The following CDH4 variants were observed in gnomAD, a reference collection of about 807,000 sequenced individuals.
The protein encoded by CDH4 is cadherin-4.
Under a neutral mutation model 86.0 loss-of-function variants are expected in CDH4, and 33 were observed. That is an observed-to-expected ratio of 0.38 (90% CI 0.29 to 0.51). The LOEUF is 0.51. Ranked by LOEUF, CDH4 falls within the 20% of genes least tolerant of loss-of-function variation. The probability of loss-of-function intolerance (pLI) is 0.86; values close to 1 mark genes in which losing one functional copy is unlikely to be tolerated. For synonymous variants in CDH4, 555 were observed against 549.4 expected, an observed-to-expected ratio of 1.01 and a Z score of -0.14; for missense variants, 1,114 against 1,307.4, an observed-to-expected ratio of 0.85 and a Z score of 2.28.
intron 7 of CDH4, among the ~76,000 whole-genome samples, chr20:61,885,434 G>A (rs564255328): frequency 9.2e-5 from 14 of 152,288 alleles, no homozygotes; most frequent in African/African-American, 2.2e-4. Context: ...GTCTCTCACC[G>A]AGCGTCACCG....
intron 2 of CDH4, among the ~76,000 whole-genome samples, chr20:61,672,075 TGGTGGGTG>T (rs145983859): frequency 8.2e-4 from 13 of 15,802 alleles, no homozygotes; most frequent in Admixed American, 2.1e-3. Flanking sequence ...ATGAGTGGAT[TGGTGGGTG>T]GGTGGGTGGG....
At chr20:61,898,675 T>A (rs1037265351) in intron 8 of CDH4, among the ~76,000 whole-genome samples, 1 of 152,242 alleles carries the variant, frequency 6.6e-6, no homozygotes, top group Admixed American at 6.5e-5. Flanking sequence ...GGTCCCTGCC[T>A]GCTGTGTAGC....
In CDH4 at chr20:61,754,625, A is replaced by G. The variant is rs544161571; in HGVS notation, c.396+10836A>G. The stretch of plus-strand genomic sequence containing the variant: ...ACCACACACACGGTGCACGGCACAC[A>G]CACCACACACACACGCCCCACACAC... On this transcript the variant is annotated intron_variant, in intron 3 of 15. Transcript: ENST00000614565. The surrounding 1 kb of genome is among the most constrained non-coding windows in gnomAD (Gnocchi z 4.7). Among the ~76,000 whole-genome samples the G allele has an allele frequency of 7.7e-5, 11 of 142,760 alleles. No individual in the cohort carries two copies. The highest frequency in any genetic ancestry group is 1.5e-4 in the Non-Finnish European group (10 of 67,926). 93.7% of individuals were successfully genotyped at this position (142,760 alleles called of 152,430 possible).
chr20:61,280,396 T>C (rs780050205), intron 2 of CDH4, among the ~76,000 whole-genome samples: 2 of 152,138 alleles, frequency 1.3e-5, no homozygotes, highest in Non-Finnish European at 2.9e-5. Flanking sequence ...GGCGGGGGCG[T>C]GTGACGCGTG....
chr20:61,890,436 G>A (rs6121483), intron 7 of CDH4, among the ~76,000 whole-genome samples: 8,668 of 150,964 alleles, frequency 0.057, 626 homozygotes, highest in African/African-American at 0.17. Context: ...TAGATGACGG[G>A]TGGATGGATG....
chr20:61,347,582 T>C (rs1430040724), intron 2 of CDH4, among the ~76,000 whole-genome samples: 2 of 152,194 alleles, frequency 1.3e-5, no homozygotes, highest in Non-Finnish European at 2.9e-5. Context: ...AATTAGACCT[T>C]TCCAGTTTCC....
intron 8 of CDH4, among the ~76,000 whole-genome samples, chr20:61,895,971 G>C (rs1224828411): frequency 6.6e-6 from 1 of 152,170 alleles, no homozygotes; most frequent in Non-Finnish European, 1.5e-5. Context: ...AGTCAGCGAG[G>C]GCTCCCAGAG....
chr20:61,859,366 C>G (rs181737037), intron 6 of CDH4, among the ~76,000 whole-genome samples: 1 of 152,196 alleles, frequency 6.6e-6, no homozygotes, highest in Non-Finnish European at 1.5e-5. Flanking sequence ...ATCCTCCCCC[C>G]AGGGTCTTTG....
chr20:61,572,392 G>A (rs1271616393), intron 2 of CDH4, among the ~76,000 whole-genome samples: 1 of 152,226 alleles, frequency 6.6e-6, no homozygotes, highest in Non-Finnish European at 1.5e-5. Context: ...GAGACGCAAG[G>A]GAAGGGACAG....
chr20:61,742,970 C>T (rs999919322), intron 2 of CDH4, among the ~76,000 whole-genome samples: 1 of 152,190 alleles, frequency 6.6e-6, no homozygotes, highest in African/African-American at 2.4e-5. Flanking sequence ...GCCTAGCCCA[C>T]CCCAAGGCCA....
intron 2 of CDH4, among the ~76,000 whole-genome samples, chr20:61,378,261 A>C (rs531497268): frequency 3.3e-5 from 5 of 152,280 alleles, no homozygotes; most frequent in African/African-American, 1.2e-4. Flanking sequence ...TGTTAAAAGA[A>C]AAAAAAATTT....
At chr20:61,898,389 G>A (rs1985230812) in intron 8 of CDH4, among the ~76,000 whole-genome samples, 1 of 152,220 alleles carries the variant, frequency 6.6e-6, no homozygotes, top group Non-Finnish European at 1.5e-5. Context: ...GGGACCCTCG[G>A]CCCTCAGCAC....
At position 61,643,212 on chromosome 20, in the gene CDH4, T is replaced by C. The variant is rs1354544978; in HGVS notation, c.170-100351T>C. On this transcript the variant is annotated intron_variant, in intron 2 of 15. Coordinates refer to ENST00000614565, the MANE Select transcript of CDH4 (RefSeq NM_001794.5). Reference sequence around the variant, plus strand: ...GAGAAAGCATCACAGGGAGGGGGGGTGTAGAGAGAGCCAGACTGGCTTTTA... The same window carrying C: ...GAGAAAGCATCACAGGGAGGGGGGGCGTAGAGAGAGCCAGACTGGCTTTTA... Among the ~76,000 whole-genome samples, 3 of 150,428 alleles carry C rather than the reference T, an allele frequency of 2.0e-5. No individual in the cohort carries two copies. The East Asian group carries it at 5.8e-4, about 29-fold the overall frequency.
chr20:61,533,281 G>A (rs970899540), intron 2 of CDH4, among the ~76,000 whole-genome samples: 3 of 152,284 alleles, frequency 2.0e-5, no homozygotes, highest in Admixed American at 6.5e-5. Flanking sequence ...GCCTGGGCAC[G>A]GCAGGCGGCT....
At chr20:61,803,004 C>T (rs943452368) in intron 4 of CDH4, among the ~76,000 whole-genome samples, 3 of 152,256 alleles carry the variant, frequency 2.0e-5, no homozygotes, top group Non-Finnish European at 4.4e-5. Context: ...GGCGTGTCTA[C>T]CTTGTCACTG....
rs1186294297 is a variant in CDH4, at chr20:61,304,944, GTA to G, written c.169+50009_169+50010del. Among the ~76,000 whole-genome samples, 12 of 151,786 alleles carry G rather than the reference GTA, an allele frequency of 7.9e-5. No individual in the cohort carries two copies. The Middle Eastern group carries it at 0.01, about 129-fold the overall frequency. On this transcript the variant is annotated intron_variant, in intron 2 of 15. Coordinates refer to ENST00000614565, the MANE Select transcript of CDH4 (RefSeq NM_001794.5). ...GTGTTGTACATGCAGTGTATGTGTT[GTA>G]TGTGTGTGTGTGCTTTGTGCATGTG...
In CDH4 at chr20:61,773,381, G is replaced by T. The variant is rs182426441; in HGVS notation, c.576+199G>T. On this transcript the variant is annotated intron_variant, in intron 4 of 15. Coordinates refer to ENST00000614565, the MANE Select transcript of CDH4 (RefSeq NM_001794.5). Reference sequence around the variant, plus strand: ...AAGCTGCGTCCTCCGCGGTGGATGGGCCTTTGTGAGTTAGGGGTGATTTCT... The same window carrying T: ...AAGCTGCGTCCTCCGCGGTGGATGGTCCTTTGTGAGTTAGGGGTGATTTCT... Among the ~76,000 whole-genome samples, 64 of 152,332 alleles carry T rather than the reference G, an allele frequency of 4.2e-4. 1 individual carries two copies. The highest frequency in any genetic ancestry group is 1.5e-3 in the African/African-American group (62 of 41,562).
chr20:61,762,853 A>C (rs1753608620), intron 3 of CDH4, among the ~76,000 whole-genome samples: 1 of 152,232 alleles, frequency 6.6e-6, no homozygotes, highest in South Asian at 2.1e-4. Context: ...ACACCTTTCC[A>C]GGAGGGGGAC....
At chr20:61,724,419 G>A (rs886116372) in intron 2 of CDH4, among the ~76,000 whole-genome samples, 1 of 152,212 alleles carries the variant, frequency 6.6e-6, no homozygotes, top group Non-Finnish European at 1.5e-5. Context: ...TGGAATGTGT[G>A]AGCTGAGTAC....
Sources: allele counts gnomAD v4.1 joint callset (sites outside exome capture counted in the v4.1 genomes callset), GRCh38; gene constraint gnomAD v4.1.1; non-coding constraint Gnocchi (gnomAD v3.1); transcripts MANE v1.5; gene names NCBI Gene and HGNC (gene_info 2026-07-23, HGNC 2026-07-21).